Variants in DHRSX observed in about 807,000 individuals in gnomAD.
DHRSX encodes the protein polyprenol dehydrogenase.
A neutral mutation model predicts 34.0 loss-of-function variants in DHRSX; 31 were observed. The ratio of observed to expected loss-of-function variants is 0.91; its 90% CI spans 0.69 to 1.23. The LOEUF (loss-of-function observed/expected upper bound fraction) is 1.23. Among genes scored for constraint, DHRSX ranks in the 50% most tolerant of loss-of-function variants. DHRSX has a pLI of 0.00. For synonymous variants in DHRSX, 201 were observed against 183.8 expected, an observed-to-expected ratio of 1.09 and a Z score of -0.76; for missense variants, 414 against 428.1, an observed-to-expected ratio of 0.97 and a Z score of 0.29.
rs181621545 is a variant in DHRSX at position 2,320,124 on chromosome X, C to T, written c.287-28521G>A. On this transcript the variant is annotated intron_variant, in intron 3 of 6. Transcript: ENST00000334651. ...GATGACAGTTGTGAGCCACTGTGCCCGGCCGGGTCAACTGTATTTTGTGCC... is the reference window on the plus strand; with the variant it reads ...GATGACAGTTGTGAGCCACTGTGCCTGGCCGGGTCAACTGTATTTTGTGCC... Among the ~76,000 whole-genome samples, 706 of 151,898 alleles carry T rather than the reference C, an allele frequency of 4.6e-3. 4 individuals are homozygous for T. Among genetic ancestry groups the T allele is most frequent in the Non-Finnish European group, 6.1e-3 (416 of 67,974 alleles).
chrX:2,233,656 C>G (rs1329572211), intron 6 of DHRSX, among the ~76,000 whole-genome samples: 1 of 152,030 alleles, frequency 6.6e-6, no homozygotes, highest in African/African-American at 2.4e-5. Flanking sequence ...AATGCTCACC[C>G]GTATTTTGCC....
intron 3 of DHRSX, among the ~76,000 whole-genome samples, chrX:2,297,765 T>C (rs1015875559): frequency 3.3e-5 from 5 of 150,528 alleles, no homozygotes; most frequent in Non-Finnish European, 7.4e-5. Flanking sequence ...TTTTTGAGTT[T>C]TTTTTTTTTG....
At chrX:2,295,970 C>A (rs2041927062) in intron 3 of DHRSX, among the ~76,000 whole-genome samples, 1 of 152,130 alleles carries the variant, frequency 6.6e-6, no homozygotes, top group Admixed American at 6.6e-5. Flanking sequence ...CTGTGGGGTT[C>A]TCGCCGAGAG....
chrX:2,425,288 A>C lies in DHRSX; in HGVS notation c.126T>G (p.Pro42=), dbSNP rs542791415. The change falls in exon 2 of 7, where the codon CCT becomes CCG. Residue 42 remains proline (P), a synonymous_variant. Transcript: ENST00000334651. The part of the protein sequence containing the change: ...GFLEPVFPPR[P]DRVAIVTGGT... ...CTCCCGTCACTATAGCGACACGGTC[A>C]GGTCGTGGGGGGAAAACTGAAAAAG... 35 of 1,613,736 alleles carry C rather than the reference A, an allele frequency of 2.2e-5. 1 individual carries two copies. Among genetic ancestry groups the C allele is most frequent in the Admixed American group, 3.3e-5 (2 of 59,984 alleles).
At chrX:2,320,170 T>G (rs1169586338) in intron 3 of DHRSX, among the ~76,000 whole-genome samples, 5 of 151,636 alleles carry the variant, frequency 3.3e-5, no homozygotes, top group African/African-American at 1.2e-4. Context: ...TATATACATT[T>G]ACATCTCAGT....
intron 3 of DHRSX, among the ~76,000 whole-genome samples, chrX:2,298,616 A>ACACACACACGCG (rs1556457297): frequency 2.2e-5 from 3 of 138,302 alleles, no homozygotes; most frequent in Admixed American, 6.8e-5. Context: ...ACACACACAC[A>ACACACACACGCG]CACACACACA....
chrX:2,288,469 A>G (rs2041830765), intron 4 of DHRSX, among the ~76,000 whole-genome samples: 1 of 152,192 alleles, frequency 6.6e-6, no homozygotes, highest in South Asian at 2.1e-4. Context: ...TCCTGACCTC[A>G]CGTAATCCAC....
chrX:2,325,815 C>T (rs2042379103), intron 3 of DHRSX, among the ~76,000 whole-genome samples: 1 of 151,480 alleles, frequency 6.6e-6, no homozygotes, highest in Non-Finnish European at 1.5e-5. Flanking sequence ...CCTTTCCGCT[C>T]GGAGACCCCT....
At chrX:2,405,038 C>A (rs2124634167) in intron 3 of DHRSX, among the ~76,000 whole-genome samples, 1 of 152,290 alleles carries the variant, frequency 6.6e-6, no homozygotes, top group South Asian at 2.1e-4. Flanking sequence ...TCACAGGGAT[C>A]CTGCAATGCC....
At chrX:2,247,453 G>C (rs113773274) in intron 5 of DHRSX, among the ~76,000 whole-genome samples, 1 of 151,762 alleles carries the variant, frequency 6.6e-6, no homozygotes, top group African/African-American at 2.4e-5. Context: ...AGGAGATCGA[G>C]ACCATCCTGG....
At chrX:2,386,186 T>C (rs1395627292) in intron 3 of DHRSX, among the ~76,000 whole-genome samples, 1 of 150,574 alleles carries the variant, frequency 6.6e-6, no homozygotes, top group Non-Finnish European at 1.5e-5. Context: ...TTTATTTATT[T>C]ATTTATTTAT....
intron 1 of DHRSX, among the ~76,000 whole-genome samples, chrX:2,449,549 C>T (rs749992479): frequency 2.6e-5 from 4 of 152,272 alleles, no homozygotes; most frequent in African/African-American, 9.6e-5. Flanking sequence ...ACCTGGAGTG[C>T]AGTGGCATGA....
intron 3 of DHRSX, among the ~76,000 whole-genome samples, chrX:2,324,896 G>C (rs944690183): frequency 2.0e-5 from 3 of 149,198 alleles, no homozygotes; most frequent in Non-Finnish European, 4.4e-5. Context: ...AGCCTCCTAA[G>C]TAGCTGGCAT....
At chrX:2,453,514 A>C (rs963456377) in intron 1 of DHRSX, among the ~76,000 whole-genome samples, 3 of 151,972 alleles carry the variant, frequency 2.0e-5, no homozygotes, top group African/African-American at 7.3e-5. Context: ...TCTACAAAAA[A>C]TTTAAAAATT....
chrX:2,270,940 T>A (rs770997497), intron 4 of DHRSX, among the ~76,000 whole-genome samples: 1 of 152,298 alleles, frequency 6.6e-6, no homozygotes, highest in Admixed American at 6.5e-5. Flanking sequence ...ATCAGCACTC[T>A]GTAAAATGGA....
chrX:2,442,682 A>C lies in DHRSX; in HGVS notation c.110-17378T>G, dbSNP rs147868381. 2.7e-3 allele frequency among the ~76,000 whole-genome samples: 416 copies of C among 152,196 alleles called. 2 individuals are homozygous for C. Among genetic ancestry groups the C allele is most frequent in the Non-Finnish European group, 3.6e-3 (245 of 68,002 alleles). ...GAAAAACCCAGCCGCGATTTCCTAGAAACAAGAACCCCAGGAAATGTAATC... is the reference window on the plus strand; with the variant it reads ...GAAAAACCCAGCCGCGATTTCCTAGCAACAAGAACCCCAGGAAATGTAATC... On this transcript the variant is annotated intron_variant, in intron 1 of 6. Transcript: ENST00000334651.
intron 1 of DHRSX, among the ~76,000 whole-genome samples, chrX:2,443,866 T>C (rs992651095): frequency 1.1e-4 from 17 of 151,552 alleles, no homozygotes; most frequent in African/African-American, 1.5e-4. Flanking sequence ...ATTAGCCGGG[T>C]GTGGTGGCGG....
intron 1 of DHRSX, among the ~76,000 whole-genome samples, chrX:2,457,533 A>C (rs755070271): frequency 6.6e-6 from 1 of 152,162 alleles, no homozygotes; most frequent in East Asian, 1.9e-4. Flanking sequence ...CATGTGGCCA[A>C]GGGACCGCCA....
intron 6 of DHRSX, among the ~76,000 whole-genome samples, chrX:2,224,211 T>C (rs968144232): frequency 2.0e-5 from 3 of 151,302 alleles, no homozygotes; most frequent in Non-Finnish European, 4.4e-5. Context: ...TGTAGTATGA[T>C]GCCTCCACCC....
Sources: allele counts gnomAD v4.1 joint callset (sites outside exome capture counted in the v4.1 genomes callset), GRCh38; gene constraint gnomAD v4.1.1; transcripts MANE v1.5; gene names NCBI Gene and HGNC (gene_info 2026-07-23, HGNC 2026-07-21).